ADGRL2: variants seen among roughly 807,000 people sequenced by gnomAD.
ADGRL2 encodes calcium-independent alpha-latrotoxin receptor 2.
Under a neutral mutation model 157.4 loss-of-function variants are expected in ADGRL2, and 44 were observed. The ratio of observed to expected loss-of-function variants is 0.28; its 90% CI spans 0.22 to 0.36. The LOEUF (loss-of-function observed/expected upper bound fraction) is 0.36, where lower values mean the gene tolerates loss of function less well. ADGRL2 is among the 10% of genes least tolerant of loss of function. ADGRL2 has a pLI of 1.00. For synonymous variants in ADGRL2, 585 were observed against 624.7 expected, an observed-to-expected ratio of 0.94 and a Z score of 0.95; for missense variants, 1,510 against 1,768.9, an observed-to-expected ratio of 0.85 and a Z score of 2.63.
At chr1:81,501,595 T>TGGCCCCCGGCTGC in intron 2 of ADGRL2, among the ~76,000 whole-genome samples, 1 of 152,356 alleles carries the variant, frequency 6.6e-6, no homozygotes, top group South Asian at 2.1e-4. Context: ...GCCCCGGCTG[T>TGGCCCCCGGCTGC]GGCCCCCGGC....
At chr1:81,455,697 G>A (rs1282495872) in intron 2 of ADGRL2, among the ~76,000 whole-genome samples, 2 of 152,260 alleles carry the variant, frequency 1.3e-5, no homozygotes, top group South Asian at 2.1e-4. Flanking sequence ...TATATGTTCT[G>A]TTTCTTAGCA....
chr1:81,478,098 C>G (rs535610346), intron 2 of ADGRL2, among the ~76,000 whole-genome samples: 50 of 150,610 alleles, frequency 3.3e-4, no homozygotes, highest in African/African-American at 1.2e-3. Context: ...AAAAAAAATA[C>G]TGCTTTCAGA....
upstream of ADGRL2, among the ~76,000 whole-genome samples, chr1:81,798,830 A>G (rs192314357): frequency 2.2e-3 from 330 of 152,294 alleles, 2 homozygotes; most frequent in African/African-American, 7.7e-3. Flanking sequence ...ATTACTTACT[A>G]AGCTCACTAA....
At chr1:81,430,077 G>A (rs979712691) in intron 1 of ADGRL2, among the ~76,000 whole-genome samples, 10 of 152,138 alleles carry the variant, frequency 6.6e-5, no homozygotes, top group African/African-American at 2.4e-4. Context: ...ATTTTCAGTA[G>A]AGACGGGGTT....
intron 3 of ADGRL2, among the ~76,000 whole-genome samples, chr1:81,931,785 C>A (rs1317367685): frequency 6.6e-6 from 1 of 152,044 alleles, no homozygotes; most frequent in Admixed American, 6.6e-5. Context: ...GCACATACCA[C>A]CACACCTGGC....
At chr1:81,961,484 T>G (rs1325387961) in intron 11 of ADGRL2, among the ~76,000 whole-genome samples, 1 of 150,222 alleles carries the variant, frequency 6.7e-6, no homozygotes, top group Non-Finnish European at 1.5e-5. Flanking sequence ...TTTCACACTG[T>G]AAATGTAATT....
At chr1:81,808,950 G>A (rs2149613322) in intron 1 of ADGRL2, among the ~76,000 whole-genome samples, 1 of 152,178 alleles carries the variant, frequency 6.6e-6, no homozygotes, top group African/African-American at 2.4e-5. Flanking sequence ...GTTGAAAGGG[G>A]AGGACAAATG....
intron 2 of ADGRL2, among the ~76,000 whole-genome samples, chr1:81,562,758 C>T (rs181639020): frequency 6.6e-6 from 1 of 151,838 alleles, no homozygotes; most frequent in African/African-American, 2.4e-5. Context: ...TACTACCTGT[C>T]TAGTATTTAG....
intron 1 of ADGRL2, among the ~76,000 whole-genome samples, chr1:81,322,650 G>T (rs1660607159): frequency 1.3e-5 from 2 of 151,930 alleles, no homozygotes; most frequent in African/African-American, 4.8e-5. Context: ...GATCACATCT[G>T]GCATATTATA....
chr1:81,502,149 A>T, intron 2 of ADGRL2: 1 of 1,593,388 alleles, frequency 6.3e-7, no homozygotes, highest in Non-Finnish European at 8.5e-7. Context: ...AAATATTTTC[A>T]TGTGCAGAAA....
At chr1:81,862,678 T>C (rs973805877) in intron 2 of ADGRL2, among the ~76,000 whole-genome samples, 1 of 152,192 alleles carries the variant, frequency 6.6e-6, no homozygotes. Flanking sequence ...TTATAAACTT[T>C]AGGGAAAGAA....
chr1:81,507,144 GA>G (rs986123770), intron 2 of ADGRL2, among the ~76,000 whole-genome samples: 4 of 152,014 alleles, frequency 2.6e-5, no homozygotes. Context: ...TGTGATCAGG[GA>G]AGCTTCTCTG....
At chr1:81,405,240 C>T (rs993289027) in intron 1 of ADGRL2, among the ~76,000 whole-genome samples, 1 of 152,150 alleles carries the variant, frequency 6.6e-6, no homozygotes, top group Non-Finnish European at 1.5e-5. Context: ...GATACTATCC[C>T]TTATTCAACA....
At chr1:81,682,341 T>C (rs1229828644) in intron 3 of ADGRL2, among the ~76,000 whole-genome samples, 1 of 152,112 alleles carries the variant, frequency 6.6e-6, no homozygotes, top group Non-Finnish European at 1.5e-5. Context: ...TTGTTAAGAA[T>C]CAGAGAGTGA....
intron 2 of ADGRL2, among the ~76,000 whole-genome samples, chr1:81,500,194 G>A (rs570735524): frequency 6.6e-6 from 1 of 152,180 alleles, no homozygotes; most frequent in Non-Finnish European, 1.5e-5. Context: ...ACACTTGCCT[G>A]CTGTTAGTGG....
At chr1:81,419,287 A>G (rs1396535974) in intron 1 of ADGRL2, among the ~76,000 whole-genome samples, 1 of 152,024 alleles carries the variant, frequency 6.6e-6, no homozygotes, top group Non-Finnish European at 1.5e-5. Context: ...CACTACCACC[A>G]CCGCCTTCTG....
intron 3 of ADGRL2, among the ~76,000 whole-genome samples, chr1:81,912,292 G>A (rs1034423281): frequency 6.6e-6 from 1 of 151,788 alleles, no homozygotes; most frequent in Non-Finnish European, 1.5e-5. Context: ...GGATGGTCTC[G>A]AACTCTTGGC....
chr1:81,648,409 C>T (rs976640056), intron 3 of ADGRL2, among the ~76,000 whole-genome samples: 1 of 152,194 alleles, frequency 6.6e-6, no homozygotes. Flanking sequence ...TACCCACCTC[C>T]TTTTCAGCAG....
intron 1 of ADGRL2, among the ~76,000 whole-genome samples, chr1:81,804,470 CTG>C: frequency 6.6e-6 from 1 of 152,316 alleles, no homozygotes; most frequent in Non-Finnish European, 1.5e-5. Flanking sequence ...AAACTTCAGC[CTG>C]TCTTCCTTTT....
Sources: allele counts gnomAD v4.1 joint callset (sites outside exome capture counted in the v4.1 genomes callset), GRCh38; gene constraint gnomAD v4.1.1; transcripts MANE v1.5; gene names NCBI Gene and HGNC (gene_info 2026-07-23, HGNC 2026-07-21).